SEPTIN4: variants seen among roughly 807,000 people sequenced by gnomAD.
SEPTIN4 encodes the protein septin-4.
Under a neutral mutation model 107.1 loss-of-function variants are expected in SEPTIN4, and 52 were observed. That is an observed-to-expected ratio of 0.49 (90% CI 0.39 to 0.61). SEPTIN4 has a LOEUF of 0.61. Ranked by LOEUF, SEPTIN4 falls within the 20% of genes least tolerant of loss-of-function variation. The pLI is 0.00. For synonymous variants in SEPTIN4, 417 were observed against 467.0 expected (o/e 0.89, Z 1.38); for missense variants, 1,048 against 1,243.5 (o/e 0.84, Z 2.36).
chr17:58,526,988 G>A lies in SEPTIN4; in HGVS notation c.1615-10C>T. On this transcript the variant is annotated splice_polypyrimidine_tract_variant and intron_variant, in intron 3 of 13. Coordinates refer to ENST00000672673, the MANE Select transcript of SEPTIN4 (RefSeq NM_001368771.2). ...CCAGGAAACGCTTGATCTGGGGGAA[G>A]CGGGGTGGGTAGAATAGATGGGTGG... 1 of 1,614,012 alleles carries A rather than the reference G, an allele frequency of 6.2e-7. No homozygotes were observed.
chr17:58,526,820 A>G lies in SEPTIN4; in HGVS notation c.1773T>C (p.Asp591=), dbSNP rs1312801696. 6.2e-7 allele frequency: 1 copy of G among 1,613,700 alleles called. No individual in the cohort carries two copies. Among genetic ancestry groups the G allele is most frequent in the Admixed American group, 1.7e-5 (1 of 59,972 alleles). ...AGGGGGGTCTGAACTCCAGGTCATC[A>G]TCATAGAGGTCCGGGGCCTGGGGCC... ...EPRPQAPDLY[D]DDLEFRPPSR... The change falls in exon 4 of 14, where the codon GAT becomes GAC. Residue 591 remains aspartate (D), a synonymous_variant. Transcript: ENST00000672673.
chr17:58,522,579 T>C (rs574882617), intron 7 of SEPTIN4, among the ~76,000 whole-genome samples: 6 of 150,586 alleles, frequency 4.0e-5, no homozygotes, highest in Non-Finnish European at 8.9e-5. Context: ...GGAGAATCAC[T>C]TGAACCCAGG....
chr17:58,526,553 C>G lies in SEPTIN4; in HGVS notation c.1911+129G>C, dbSNP rs1020010936. The G allele has an allele frequency of 2.1e-6, 3 of 1,416,858 alleles. No individual in the cohort carries two copies. The African/African-American group carries it at 4.5e-5, about 21-fold the overall frequency. The allele number at this position is 1,416,858 out of a possible 1,614,324, so 87.8% of individuals were successfully genotyped here. A position where few individuals can be genotyped will look rare whatever the true frequency, so the allele number is the denominator to read the frequency against. On this transcript the variant is annotated intron_variant, in intron 4 of 13. Transcript: ENST00000672673. ...GGGCTGACACAGGACTGAAATAGGT[C>G]CCAGATACACACACACACAAACACA...
At chr17:58,527,835 C>G (rs955397956) in intron 3 of SEPTIN4, 1 of 985,544 alleles carries the variant, frequency 1.0e-6, no homozygotes, top group Non-Finnish European at 1.2e-6. Flanking sequence ...CCCCCTCTGC[C>G]CAGAGCCGGC....
chr17:58,543,365 T>A lies in SEPTIN4; in HGVS notation c.822A>T (p.Lys274Asn). ...CATCAGAATCTTTAAGGACAGAGAG[T>A]TTGAGCAATGAGTCCAAGTTCATAT... is the stretch of plus-strand genomic sequence containing the variant. ...YRNMNLDSLL[K>N]LSVLKDSDGV... The change falls in exon 1 of 14, where the codon AAA (lysine) becomes AAT (asparagine). Residue 274 changes from lysine (K) to asparagine (N), a missense_variant. By Grantham distance (94) the Lys-to-Asn change is moderately conservative. Coordinates refer to ENST00000672673, the MANE Select transcript of SEPTIN4 (RefSeq NM_001368771.2). 6.2e-7 allele frequency: 1 copy of A among 1,614,048 alleles called. No homozygotes were observed. Among genetic ancestry groups the A allele is most frequent in the Non-Finnish European group, 8.5e-7 (1 of 1,180,000 alleles).
intron 7 of SEPTIN4, chr17:58,524,489 C>A (rs906134363): frequency 6.6e-6 from 1 of 151,838 alleles, no homozygotes; most frequent in Admixed American, 6.6e-5. Context: ...ACAGTTTATT[C>A]GGCATCTACT....
intron 2 of SEPTIN4, 71 bp from the exon 3 acceptor site, chr17:58,540,744 G>A: frequency 2.3e-6 from 3 of 1,292,550 alleles, no homozygotes; most frequent in Non-Finnish European, 2.9e-6. Flanking sequence ...GCCAATAGGA[G>A]GAGAAAAAGA....
In SEPTIN4 at chr17:58,543,969, A is replaced by G; in HGVS notation, c.218T>C (p.Leu73Pro). 1 of 1,613,640 alleles carries G rather than the reference A, an allele frequency of 6.2e-7. No individual in the cohort carries two copies. The highest frequency in any genetic ancestry group is 8.5e-7 in the Non-Finnish European group (1 of 1,179,792). Residue 73 changes from leucine (L) to proline (P), a missense_variant, in exon 1 of 14, where the codon CTC becomes CCC. Coordinates refer to ENST00000672673, the MANE Select transcript of SEPTIN4 (RefSeq NM_001368771.2). ...TGCATAGTGTCCAGGTCCTGACTGGAGGGAGACAGATCGAGGGTAGTCTGA... is the reference window on the plus strand; with the variant it reads ...TGCATAGTGTCCAGGTCCTGACTGGGGGGAGACAGATCGAGGGTAGTCTGA... ...SASDYPRSVS[L>P]QSGPGHYAVP... is the part of the protein sequence containing the mutation.
intron 12 of SEPTIN4, 30 bp downstream of exon 12, chr17:58,520,968 T>G: frequency 6.2e-7 from 1 of 1,613,184 alleles, no homozygotes; most frequent in Non-Finnish European, 8.5e-7. Context: ...GATCTCCCCC[T>G]GCCAGCTTTG....
rs761196793 is a variant in SEPTIN4 at position 58,526,797 on chromosome 17, G to C, written c.1796C>G (p.Pro599Arg). ...GTTGTCAGAGGACTGGGGCCGCGAG[G>C]GGGGTCTGAACTCCAGGTCATCATC... The part of the protein sequence containing the change: ...LYDDDLEFRP[P>R]SRPQSSDNQQ... Residue 599 changes from proline to arginine, a missense_variant, in exon 4 of 14, where the codon CCC becomes CGC. Pro to Arg is a moderately radical substitution (Grantham distance 103). Around this residue, in one of 2 missense-constraint regions of SEPTIN4, gnomAD observed 787 missense variants for 871.8 expected, o/e 0.90. Coordinates refer to ENST00000672673, the MANE Select transcript of SEPTIN4 (RefSeq NM_001368771.2). 3.1e-6 allele frequency: 5 copies of C among 1,613,626 alleles called. No homozygotes were observed. The African/African-American group carries it at 5.3e-5, about 17-fold the overall frequency.
chr17:58,534,376 C>T (rs2043637761), intron 3 of SEPTIN4, among the ~76,000 whole-genome samples: 1 of 152,244 alleles, frequency 6.6e-6, no homozygotes. Flanking sequence ...CCCTTGCCCT[C>T]TCTGGGCCTC....
intron 3 of SEPTIN4, among the ~76,000 whole-genome samples, 188 bp downstream of exon 3, chr17:58,540,478 C>T (rs1358260238): frequency 6.6e-6 from 1 of 152,222 alleles, no homozygotes; most frequent in Non-Finnish European, 1.5e-5. Context: ...GCAAATGGAA[C>T]ACAGGTTATA....
intron 1 of SEPTIN4, among the ~76,000 whole-genome samples, chr17:58,542,342 C>A (rs181067146): frequency 6.6e-6 from 1 of 152,202 alleles, no homozygotes; most frequent in Non-Finnish European, 1.5e-5. Context: ...TTCAACCCTG[C>A]AAGCCCCTCT....
At chr17:58,523,199 C>T (rs1268298089) in intron 7 of SEPTIN4, among the ~76,000 whole-genome samples, 1 of 151,966 alleles carries the variant, frequency 6.6e-6, no homozygotes, top group Non-Finnish European at 1.5e-5. Context: ...TAGCGAGACC[C>T]CCATCTCTAC....
Position 58,526,981 on chromosome 17 carries a change from G to A in SEPTIN4, c.1615-3C>T, listed in dbSNP as rs1309997047. On this transcript the variant is annotated splice_region_variant and splice_polypyrimidine_tract_variant and intron_variant, in intron 3 of 13. Coordinates refer to ENST00000672673, the MANE Select transcript of SEPTIN4 (RefSeq NM_001368771.2). ...GTGTCCTCCAGGAAACGCTTGATCT[G>A]GGGGAAGCGGGGTGGGTAGAATAGA... 1 of 1,614,014 alleles carries A rather than the reference G, an allele frequency of 6.2e-7. No homozygotes were observed. The highest frequency in any genetic ancestry group is 8.5e-7 in the Non-Finnish European group (1 of 1,180,014).
Position 58,543,319 on chromosome 17 carries a change from G to A in SEPTIN4, c.868C>T (p.Arg290Trp), listed in dbSNP as rs149389321. ...DSDGVHRVSA[R>W]VDPESLHKYS... Reference sequence around the variant, plus strand: ...TTATGAAGAGACTCAGGGTCTACCCGTGCAGAAACTCGGTGTACACCATCA... The same window carrying A: ...TTATGAAGAGACTCAGGGTCTACCCATGCAGAAACTCGGTGTACACCATCA... The change falls in exon 1 of 14, where the codon CGG becomes TGG. Residue 290 changes from arginine (R) to tryptophan (W), a missense_variant. Arg to Trp is a moderately radical substitution (Grantham distance 101). Around this residue, in one of 2 missense-constraint regions of SEPTIN4, gnomAD observed 787 missense variants for 871.8 expected, o/e 0.90. Transcript: ENST00000672673. 116 of 1,614,174 alleles carry A rather than the reference G, an allele frequency of 7.2e-5. No individual in the cohort carries two copies. The highest frequency in any genetic ancestry group is 4.8e-4 in the Admixed American group (29 of 60,020).
At position 58,543,781 on chromosome 17, in the gene SEPTIN4, C is replaced by T; in HGVS notation, c.406G>A (p.Glu136Lys). The change falls in exon 1 of 14, where the codon GAG (glutamate) becomes AAG (lysine). Residue 136 changes from glutamate to lysine, a missense_variant. Transcript: ENST00000672673. ...CCGACCTCGCGCCCTGACTTGCTCT[C>T]ACTGCCTCTTCGTGCTGCTTCCTCT... ...PREEAARRGS[E>K]SKSGREVGHH... 4.3e-6 allele frequency: 7 copies of T among 1,614,230 alleles called. No homozygotes were observed. Among genetic ancestry groups the T allele is most frequent in the Non-Finnish European group, 5.1e-6 (6 of 1,180,042 alleles).
At chr17:58,523,129 T>C (rs115423105) in intron 7 of SEPTIN4, among the ~76,000 whole-genome samples, 7,123 of 152,096 alleles carry the variant, frequency 0.047, 346 homozygotes, top group African/African-American at 0.12. Context: ...CCTAGCACTT[T>C]AGGAGGCCAA....
In SEPTIN4 at chr17:58,542,981, G is replaced by T. The variant is rs970552484; in HGVS notation, c.1206C>A (p.Ile402=). ...TAGGGGTCAGTTCCAGTTCTGCATG[G>T]ATGGAGGGCTTTTGCGAGAGTTCTG... is the stretch of plus-strand genomic sequence containing the variant. ...RYPELSQKPS[I]HAELELTPRP... is the part of the protein sequence containing the mutation. Residue 402 remains isoleucine (I), a synonymous_variant, in exon 1 of 14, where the codon ATC becomes ATA. Transcript: ENST00000672673. 3.7e-6 allele frequency: 6 copies of T among 1,613,084 alleles called. No individual in the cohort carries two copies. The Admixed American group carries it at 1.0e-4, about 27-fold the overall frequency.
Sources: allele counts gnomAD v4.1 joint callset (sites outside exome capture counted in the v4.1 genomes callset), GRCh38; gene constraint gnomAD v4.1.1; regional missense constraint gnomAD v4.1.1; transcripts MANE v1.5; gene names NCBI Gene and HGNC (gene_info 2026-07-23, HGNC 2026-07-21).